Variants in RBFOX1 observed in about 807,000 individuals in gnomAD.
RBFOX1 encodes the protein RNA binding protein fox-1 homolog 1.
A neutral mutation model predicts 57.7 loss-of-function variants in RBFOX1; 8 were observed. That is an observed-to-expected ratio of 0.14 (90% CI 0.08 to 0.25). The LOEUF (loss-of-function observed/expected upper bound fraction) is 0.25, where lower values mean the gene tolerates loss of function less well. Among genes scored for constraint, RBFOX1 ranks in the 10% least tolerant of loss-of-function variants. The pLI, the probability that RBFOX1 is intolerant of heterozygous loss-of-function variation, is 1.00. For synonymous variants in RBFOX1, 326 were observed against 222.4 expected (o/e 1.47, Z -4.15); for missense variants, 611 against 548.5 (o/e 1.11, Z -1.14).
intron 5 of RBFOX1, among the ~76,000 whole-genome samples, chr16:7,552,041 C>T (rs537074674): frequency 3.3e-5 from 5 of 152,146 alleles, no homozygotes; most frequent in Non-Finnish European, 7.3e-5. Flanking sequence ...ATTTTTACCC[C>T]TCCCCACAAT....
chr16:7,120,694 G>GAAA (rs35456614), intron 4 of RBFOX1, among the ~76,000 whole-genome samples: 1 of 135,948 alleles, frequency 7.4e-6, no homozygotes, highest in Non-Finnish European at 1.6e-5. Context: ...TTAATGTTGG[G>GAAA]AAAAAAAAAA....
chr16:5,943,589 T>A (rs1484179761), intron 4 of RBFOX1, among the ~76,000 whole-genome samples: 1 of 152,180 alleles, frequency 6.6e-6, no homozygotes, highest in Non-Finnish European at 1.5e-5. Flanking sequence ...ACTAACTCTT[T>A]GGGTCAACTT....
At chr16:7,041,770 G>C (rs1009236334) in intron 3 of RBFOX1, among the ~76,000 whole-genome samples, 8 of 152,196 alleles carry the variant, frequency 5.3e-5, no homozygotes, top group African/African-American at 1.7e-4. Context: ...ATTTGACCCA[G>C]TGCTTCTTGT....
intron 3 of RBFOX1, among the ~76,000 whole-genome samples, chr16:5,641,360 T>G (rs896701555): frequency 6.6e-6 from 1 of 152,182 alleles, no homozygotes; most frequent in Non-Finnish European, 1.5e-5. Flanking sequence ...AATTATGCAA[T>G]AAACTACATA....
At chr16:7,405,459 G>T (rs989532422) in intron 4 of RBFOX1, among the ~76,000 whole-genome samples, 2 of 152,188 alleles carry the variant, frequency 1.3e-5, no homozygotes, top group Non-Finnish European at 2.9e-5. Flanking sequence ...TGTGTTCCCA[G>T]CTGCTCTGGA....
chr16:7,392,783 G>A, intron 4 of RBFOX1, among the ~76,000 whole-genome samples: 1 of 152,088 alleles, frequency 6.6e-6, no homozygotes, highest in East Asian at 1.9e-4. Flanking sequence ...ATTACTGTAG[G>A]GATGTCCTCA....
rs80213113 is a variant in RBFOX1 at position 6,175,649 on chromosome 16, A to G, written c.-126-141346A>G. 5.6e-3 allele frequency among the ~76,000 whole-genome samples: 849 copies of G among 152,288 alleles called. 12 individuals carry two copies. Among genetic ancestry groups the G allele is most frequent in the African/African-American group, 0.019 (799 of 41,560 alleles). ...TAGTACTAGAATTTAAAGTGCATAT[A>G]GGGATCTGAGTAAAATATAGATTTG... On this transcript the variant is annotated intron_variant, in intron 1 of 15. Coordinates refer to ENST00000550418, the MANE Select transcript of RBFOX1 (RefSeq NM_018723.4).
chr16:7,088,828 G>C (rs184479262), intron 4 of RBFOX1, among the ~76,000 whole-genome samples: 1 of 152,094 alleles, frequency 6.6e-6, no homozygotes, highest in South Asian at 2.1e-4. Context: ...AGGCGTTTTC[G>C]AGGTTCAACT....
intron 1 of RBFOX1, among the ~76,000 whole-genome samples, chr16:6,125,076 C>T (rs2096579602): frequency 6.6e-6 from 1 of 152,092 alleles, no homozygotes; most frequent in Admixed American, 6.5e-5. Context: ...CCTCAGAGTT[C>T]CCCATCCTCC....
chr16:5,782,839 G>A (rs867904499), intron 3 of RBFOX1, among the ~76,000 whole-genome samples: 8 of 152,190 alleles, frequency 5.3e-5, no homozygotes, highest in Non-Finnish European at 1.0e-4. Context: ...CAGTTGGAGG[G>A]TATGAGAAGA....
chr16:6,091,767 G>A (rs1029512726), intron 1 of RBFOX1, among the ~76,000 whole-genome samples: 1 of 152,140 alleles, frequency 6.6e-6, no homozygotes, highest in African/African-American at 2.4e-5. Flanking sequence ...GGAGTTGGAG[G>A]TTGCAGAGAG....
chr16:6,803,102 C>T (rs1307173061), intron 3 of RBFOX1, among the ~76,000 whole-genome samples: 1 of 152,128 alleles, frequency 6.6e-6, no homozygotes, highest in African/African-American at 2.4e-5. Flanking sequence ...ACCCACTCTG[C>T]AGACTCAAAA....
At chr16:6,827,201 TG>T (rs1312003880) in intron 3 of RBFOX1, among the ~76,000 whole-genome samples, 4 of 101,954 alleles carry the variant, frequency 3.9e-5, no homozygotes, top group Admixed American at 1.1e-4. Flanking sequence ...ATTAGAGGTG[TG>T]TTTTTTTTTT....
intron 2 of RBFOX1, among the ~76,000 whole-genome samples, chr16:6,382,450 G>A (rs1208327212): frequency 6.6e-6 from 1 of 152,220 alleles, no homozygotes; most frequent in Non-Finnish European, 1.5e-5. Context: ...GTATCGGTAG[G>A]TCTTCATCCT....
chr16:6,726,505 A>G (rs1167721641), intron 3 of RBFOX1, among the ~76,000 whole-genome samples: 4 of 152,114 alleles, frequency 2.6e-5, no homozygotes, highest in Non-Finnish European at 4.4e-5. Context: ...TCACTAGATA[A>G]ACTGAAATCA....
chr16:6,889,502 G>A (rs944823863), intron 3 of RBFOX1, among the ~76,000 whole-genome samples: 1 of 152,310 alleles, frequency 6.6e-6, no homozygotes, highest in East Asian at 1.9e-4. Context: ...TGTATTTTGA[G>A]CTGTGTGTTG....
At chr16:5,665,292 C>T (rs1329087091) in intron 3 of RBFOX1, among the ~76,000 whole-genome samples, 1 of 152,172 alleles carries the variant, frequency 6.6e-6, no homozygotes, top group South Asian at 2.1e-4. Context: ...CATGTCCCCT[C>T]TGCCCCAAAT....
At chr16:6,956,189 G>A (rs1422847967) in intron 3 of RBFOX1, among the ~76,000 whole-genome samples, 1 of 152,170 alleles carries the variant, frequency 6.6e-6, no homozygotes, top group Non-Finnish European at 1.5e-5. Context: ...GATGAGAATG[G>A]AGATGGGAGT....
intron 3 of RBFOX1, among the ~76,000 whole-genome samples, chr16:6,955,112 A>G (rs1381425150): frequency 2.0e-5 from 3 of 151,304 alleles, no homozygotes; most frequent in Non-Finnish European, 4.4e-5. Flanking sequence ...ATGGTGGATT[A>G]TGCCTGTAGT....
Sources: allele counts gnomAD v4.1 joint callset (sites outside exome capture counted in the v4.1 genomes callset), GRCh38; gene constraint gnomAD v4.1.1; transcripts MANE v1.5; gene names NCBI Gene and HGNC (gene_info 2026-07-23, HGNC 2026-07-21).